Variants in FOXP2 observed in about 807,000 individuals in gnomAD.
The protein encoded by FOXP2 is forkhead box P2, also known as forkhead box protein P2.
FOXP2 carries 12 observed loss-of-function variants against 115.8 expected under a neutral mutation model. That is an observed-to-expected ratio of 0.10 (90% CI 0.07 to 0.17). The LOEUF is 0.17. FOXP2 is among the 10% of genes least tolerant of loss of function. FOXP2 has a pLI of 1.00. For synonymous variants in FOXP2, 328 were observed against 297.7 expected (o/e 1.10, Z -1.05); for missense variants, 629 against 843.5 (o/e 0.75, Z 3.15).
intron 1 of FOXP2, among the ~76,000 whole-genome samples, chr7:114,192,284 C>T (rs1245312960): frequency 6.6e-6 from 1 of 152,142 alleles, no homozygotes; most frequent in Non-Finnish European, 1.5e-5. Flanking sequence ...TGCGCCCGGC[C>T]TCTCCTTGTC....
At chr7:114,548,435 C>G (rs772043319) in intron 3 of FOXP2, among the ~76,000 whole-genome samples, 2 of 152,160 alleles carry the variant, frequency 1.3e-5, no homozygotes, top group Non-Finnish European at 2.9e-5. Flanking sequence ...CATCTAGCAA[C>G]TTCTGCAACC....
At chr7:114,333,945 C>T (rs542068033) in intron 2 of FOXP2, among the ~76,000 whole-genome samples, 1 of 151,020 alleles carries the variant, frequency 6.6e-6, no homozygotes, top group Admixed American at 6.6e-5. Context: ...TTCTCTGTAG[C>T]TTCTTCTCCT....
At chr7:114,150,295 T>C (rs1792498116) in intron 1 of FOXP2, among the ~76,000 whole-genome samples, 1 of 152,054 alleles carries the variant, frequency 6.6e-6, no homozygotes, top group East Asian at 1.9e-4. Flanking sequence ...AGTTTTATAA[T>C]TGATATCAGT....
rs548075647 is a variant in FOXP2 at position 114,293,865 on chromosome 7, G to A, written c.-11+5756G>A. ...GTTTGAGGTATTTCTTCATAGGAGC[G>A]TGAGAACAGACTCATACAAGATAAT... On this transcript the variant is annotated intron_variant, in intron 2 of 17. Transcript: ENST00000634411. 5.9e-5 allele frequency among the ~76,000 whole-genome samples: 9 copies of A among 152,122 alleles called. No individual in the cohort carries two copies. The East Asian group carries it at 7.7e-4, about 13-fold the overall frequency.
At chr7:114,197,332 C>G (rs1252445276) in intron 1 of FOXP2, among the ~76,000 whole-genome samples, 2 of 152,180 alleles carry the variant, frequency 1.3e-5, no homozygotes, top group Non-Finnish European at 2.9e-5. Context: ...TCTCACAGTT[C>G]TACGGGCTGG....
At chr7:114,342,830 A>T (rs1003556963) in intron 2 of FOXP2, among the ~76,000 whole-genome samples, 1 of 151,550 alleles carries the variant, frequency 6.6e-6, no homozygotes, top group Non-Finnish European at 1.5e-5. Flanking sequence ...TATGATAATG[A>T]ACTATGCAGT....
Position 114,598,822 on chromosome 7 carries a change from A to G in FOXP2, c.259-29718A>G, listed in dbSNP as rs116436115. On this transcript the variant is annotated intron_variant, in intron 3 of 16. Coordinates refer to ENST00000350908, the MANE Select transcript of FOXP2 (RefSeq NM_014491.4). ...AAATACATAGCTATGGATTTTCACA[A>G]AGTGAATACACCCATGGAACCACCA... is the stretch of plus-strand genomic sequence containing the variant. 6.1e-3 allele frequency among the ~76,000 whole-genome samples: 928 copies of G among 152,204 alleles called. 7 individuals are homozygous for G. The highest frequency in any genetic ancestry group is 0.019 in the African/African-American group (795 of 41,520).
chr7:114,321,318 C>A (rs1797417113), intron 2 of FOXP2, among the ~76,000 whole-genome samples: 1 of 151,860 alleles, frequency 6.6e-6, no homozygotes, highest in Non-Finnish European at 1.5e-5. Context: ...CCTGCCTCAG[C>A]CTCTCGAGTA....
intron 6 of FOXP2, among the ~76,000 whole-genome samples, chr7:114,632,568 C>A (rs1804979108): frequency 6.6e-6 from 1 of 152,134 alleles, no homozygotes; most frequent in African/African-American, 2.4e-5. Flanking sequence ...ATATTTGTCA[C>A]AGAGGAGTTC....
At chr7:114,294,680 A>C (rs537493233) in intron 2 of FOXP2, among the ~76,000 whole-genome samples, 7 of 152,012 alleles carry the variant, frequency 4.6e-5, no homozygotes, top group African/African-American at 1.7e-4. Context: ...GTCTTTACTG[A>C]AAATACAAAA....
intron 2 of FOXP2, among the ~76,000 whole-genome samples, chr7:114,431,970 A>G (rs1221007636): frequency 3.9e-5 from 6 of 151,932 alleles, no homozygotes; most frequent in Non-Finnish European, 5.9e-5. Flanking sequence ...TCTGTCTTGC[A>G]TTAACTGGCT....
chr7:114,132,665 G>A (rs1332972006), intron 1 of FOXP2, among the ~76,000 whole-genome samples: 1 of 147,382 alleles, frequency 6.8e-6, no homozygotes, highest in African/African-American at 2.5e-5. Flanking sequence ...AGCCCTCACT[G>A]AAAAGGTGAT....
At chr7:114,676,001 C>T (rs1356871577) in intron 16 of FOXP2, among the ~76,000 whole-genome samples, 2 of 151,312 alleles carry the variant, frequency 1.3e-5, no homozygotes, top group Admixed American at 6.6e-5. Context: ...GCTCCGCCTC[C>T]CCAGTTCAGG....
intron 7 of FOXP2, among the ~76,000 whole-genome samples, 154 bp downstream of exon 7, chr7:114,642,777 ATAAT>A (rs1563054302): frequency 1.0e-5 from 1 of 98,036 alleles, no homozygotes; most frequent in East Asian, 3.2e-4. Context: ...TATTTTATAT[ATAAT>A]ATATATATAT....
chr7:114,294,024 A>T (rs1796675091), intron 2 of FOXP2, among the ~76,000 whole-genome samples: 1 of 152,188 alleles, frequency 6.6e-6, no homozygotes, highest in Non-Finnish European at 1.5e-5. Context: ...TTTGAGGGGA[A>T]TATAAAGATT....
intron 2 of FOXP2, among the ~76,000 whole-genome samples, chr7:114,515,664 G>A (rs1394432016): frequency 1.3e-4 from 19 of 151,556 alleles, no homozygotes; most frequent in South Asian, 2.1e-4. Context: ...CCCATTTTGT[G>A]GGTTGCCTGT....
intron 2 of FOXP2, among the ~76,000 whole-genome samples, chr7:114,367,085 A>T (rs1171685344): frequency 6.6e-6 from 1 of 152,136 alleles, no homozygotes; most frequent in Non-Finnish European, 1.5e-5. Context: ...TGTGTTTTAT[A>T]TAATATCTAA....
chr7:114,355,136 T>A (rs1791590029), intron 2 of FOXP2, among the ~76,000 whole-genome samples: 1 of 152,148 alleles, frequency 6.6e-6, no homozygotes, highest in Admixed American at 6.6e-5. Flanking sequence ...GCAGCCCTTC[T>A]CACCTTCTAG....
At chr7:114,276,169 T>C (rs1796182576) in intron 1 of FOXP2, among the ~76,000 whole-genome samples, 1 of 152,112 alleles carries the variant, frequency 6.6e-6, no homozygotes. Flanking sequence ...ATTTATGTAT[T>C]ACTTTTTGAG....
Sources: allele counts gnomAD v4.1 joint callset (sites outside exome capture counted in the v4.1 genomes callset), GRCh38; gene constraint gnomAD v4.1.1; transcripts MANE v1.5; gene names NCBI Gene and HGNC (gene_info 2026-07-23, HGNC 2026-07-21).